Variants in VRK2 observed in about 807,000 individuals in gnomAD.
VRK2 encodes the protein serine/threonine-protein kinase VRK2.
VRK2 carries 60 observed loss-of-function variants against 57.6 expected under a neutral mutation model. The observed-to-expected ratio is 1.04, with a 90% CI of 0.85 to 1.29. The LOEUF (loss-of-function observed/expected upper bound fraction) is 1.29. Among genes scored for constraint, VRK2 ranks in the 50% most tolerant of loss-of-function variants. The probability of loss-of-function intolerance (pLI) is 0.00; values close to 1 mark genes in which losing one functional copy is unlikely to be tolerated. For missense variants in VRK2, 705 were observed against 588.1 expected (o/e 1.20, Z -2.06); for synonymous variants, 231 against 199.2 (o/e 1.16, Z -1.35).
intron 2 of VRK2, among the ~76,000 whole-genome samples, chr2:58,075,362 CT>C (rs1669947441): frequency 6.6e-6 from 1 of 152,010 alleles, no homozygotes; most frequent in Non-Finnish European, 1.5e-5. Context: ...GTGCATGGGT[CT>C]TTTTGGTAAA....
At chr2:57,936,697 G>A (rs1670921281) in intron 1 of VRK2, among the ~76,000 whole-genome samples, 1 of 151,910 alleles carries the variant, frequency 6.6e-6, no homozygotes. Flanking sequence ...AGAATATGAT[G>A]TATTTTTATT....
At chr2:58,049,916 A>T (rs775983059) in intron 2 of VRK2, among the ~76,000 whole-genome samples, 2 of 152,220 alleles carry the variant, frequency 1.3e-5, no homozygotes, top group African/African-American at 2.4e-5. Context: ...TTTGGTCAAT[A>T]AATATCTGCT....
chr2:58,109,719 C>T (rs1675278546), intron 7 of VRK2, among the ~76,000 whole-genome samples: 1 of 152,206 alleles, frequency 6.6e-6, no homozygotes, highest in African/African-American at 2.4e-5. Context: ...TCCCTCAACA[C>T]ATGGGAATTA....
chr2:58,155,000 G>A (rs1212048068), intron 12 of VRK2, among the ~76,000 whole-genome samples: 1 of 151,842 alleles, frequency 6.6e-6, no homozygotes, highest in South Asian at 2.1e-4. Context: ...TTATATTATG[G>A]TCTAACAATA....
chr2:57,921,009 T>A (rs997848068), intron 1 of VRK2, among the ~76,000 whole-genome samples: 2 of 152,122 alleles, frequency 1.3e-5, no homozygotes, highest in African/African-American at 2.4e-5. Context: ...ATTTTCCAGA[T>A]GAAGAACATG....
intron 1 of VRK2, among the ~76,000 whole-genome samples, chr2:57,934,711 T>C (rs1159541988): frequency 6.6e-6 from 1 of 152,190 alleles, no homozygotes; most frequent in African/African-American, 2.4e-5. Context: ...CAAACCCTAG[T>C]TCCTTTGATG....
intron 1 of VRK2, among the ~76,000 whole-genome samples, chr2:57,938,041 A>G (rs1013617256): frequency 9.2e-5 from 14 of 152,014 alleles, no homozygotes; most frequent in Admixed American, 7.9e-4. Context: ...CATATTGGCC[A>G]GGCTGATTTC....
chr2:57,937,832 T>C (rs1053121928), intron 1 of VRK2, among the ~76,000 whole-genome samples: 8 of 142,638 alleles, frequency 5.6e-5, no homozygotes, highest in Non-Finnish European at 1.2e-4. Context: ...TCTTTCTTTT[T>C]TTTTTTTTTT....
intron 1 of VRK2, among the ~76,000 whole-genome samples, chr2:57,985,108 T>C (rs958732439): frequency 6.6e-6 from 1 of 152,056 alleles, no homozygotes; most frequent in Non-Finnish European, 1.5e-5. Flanking sequence ...GGATGGAAGA[T>C]AGATGGATAG....
At chr2:58,083,669 C>G (rs546365324) in intron 2 of VRK2, among the ~76,000 whole-genome samples, 154 of 151,822 alleles carry the variant, frequency 1.0e-3, no homozygotes, top group Middle Eastern at 3.4e-3. Context: ...ATTATGAGTT[C>G]TAATTTAGTG....
Position 57,986,217 on chromosome 2 carries a change from T to A in VRK2, c.-438-39448T>A, listed in dbSNP as rs546671672. Among the ~76,000 whole-genome samples, 207 of 151,916 alleles carry A rather than the reference T, an allele frequency of 1.4e-3. 1 individual carries two copies. Among genetic ancestry groups the A allele is most frequent in the Non-Finnish European group, 1.5e-3 (105 of 67,948 alleles). ...TCAAGTCATCTCTCTTCTATATTTC[T>A]TTAAAAAAAAAAAGAATACCTACAT... On this transcript the variant is annotated intron_variant, in intron 1 of 15. Coordinates refer to the VRK2 transcript ENST00000417641.
intron 1 of VRK2, among the ~76,000 whole-genome samples, chr2:58,020,060 T>C (rs1673703513): frequency 6.6e-6 from 1 of 152,170 alleles, no homozygotes; most frequent in Non-Finnish European, 1.5e-5. Context: ...CTTAGGGACA[T>C]TGCTTGAAAT....
At chr2:58,008,795 T>C (rs1334704144) in intron 1 of VRK2, among the ~76,000 whole-genome samples, 1 of 152,148 alleles carries the variant, frequency 6.6e-6, no homozygotes, top group South Asian at 2.1e-4. Flanking sequence ...ATTTGTGCTA[T>C]AACAAAACAC....
At chr2:57,912,667 G>A (rs1451642832) in intron 1 of VRK2, among the ~76,000 whole-genome samples, 2 of 152,098 alleles carry the variant, frequency 1.3e-5, no homozygotes, top group African/African-American at 4.8e-5. Flanking sequence ...AAGAGCAACC[G>A]CTTTTGTTAC....
intron 2 of VRK2, among the ~76,000 whole-genome samples, chr2:58,083,559 G>C (rs72810337): frequency 6.6e-6 from 1 of 151,768 alleles, no homozygotes. Flanking sequence ...AATTTTTAAA[G>C]ACTTTATTCT....
chr2:58,109,604 G>GA (rs937236766), intron 7 of VRK2, among the ~76,000 whole-genome samples: 40 of 152,304 alleles, frequency 2.6e-4, no homozygotes, highest in African/African-American at 9.1e-4. Flanking sequence ...GGGAAAGGGT[G>GA]AAAAGCCCCT....
chr2:58,159,833 G>A lies in VRK2; in HGVS notation c.*140G>A. On this transcript the variant is annotated 3_prime_UTR_variant, in exon 13 of 13. Coordinates refer to ENST00000340157, the MANE Select transcript of VRK2 (RefSeq NM_006296.7). ...AAGAGAACATATTTTAACAAAGTTTGTGGACACTCTAAAAAATAAAATTGC... is the reference window on the plus strand; with the variant it reads ...AAGAGAACATATTTTAACAAAGTTTATGGACACTCTAAAAAATAAAATTGC... The A allele has an allele frequency of 2.5e-6, 4 of 1,610,140 alleles. No individual in the cohort carries two copies. The African/African-American group carries it at 5.3e-5, about 22-fold the overall frequency.
rs140443390 is a variant in VRK2 at position 57,971,465 on chromosome 2, C to T, written c.-438-54200C>T. Among the ~76,000 whole-genome samples the T allele has an allele frequency of 8.6e-4, 130 of 152,024 alleles. 1 individual carries two copies. The highest frequency in any genetic ancestry group is 3.1e-3 in the African/African-American group (128 of 41,530). ...GGTAACTCCCTTGAAATTCAGCTTCCAGACACCAGTCAAGGATCAACCCAT... is the reference window on the plus strand; with the variant it reads ...GGTAACTCCCTTGAAATTCAGCTTCTAGACACCAGTCAAGGATCAACCCAT... On this transcript the variant is annotated intron_variant, in intron 1 of 15. Coordinates refer to the VRK2 transcript ENST00000417641.
chr2:57,925,843 CT>C (rs1670513369), intron 1 of VRK2, among the ~76,000 whole-genome samples: 1 of 151,532 alleles, frequency 6.6e-6, no homozygotes, highest in East Asian at 1.9e-4. Context: ...AGGTTTTTGG[CT>C]TTCTTGATAT....
Sources: allele counts gnomAD v4.1 joint callset (sites outside exome capture counted in the v4.1 genomes callset), GRCh38; gene constraint gnomAD v4.1.1; transcripts MANE v1.5; gene names NCBI Gene and HGNC (gene_info 2026-07-23, HGNC 2026-07-21).